The following MTDH variants were observed in gnomAD, a reference collection of about 807,000 sequenced individuals.
MTDH encodes metadherin.
A neutral mutation model predicts 72.7 loss-of-function variants in MTDH; 34 were observed. That is an observed-to-expected ratio of 0.47 (90% CI 0.36 to 0.62). The LOEUF (loss-of-function observed/expected upper bound fraction) is 0.62. Ranked by LOEUF, MTDH falls within the 20% of genes least tolerant of loss-of-function variation. MTDH has a pLI of 0.00. For missense variants in MTDH, 677 were observed against 699.4 expected (o/e 0.97, Z 0.36); for synonymous variants, 266 against 268.9 (o/e 0.99, Z 0.10).
intron 8 of MTDH, among the ~76,000 whole-genome samples, chr8:97,708,185 G>A (rs1038238628): frequency 5.0e-4 from 74 of 146,988 alleles, no homozygotes; most frequent in African/African-American, 1.6e-3. Context: ...GGCTGGTTTC[G>A]AACTCCTGAC....
In MTDH at chr8:97,644,484, G is replaced by T; in HGVS notation, c.-23G>T. 1 of 1,548,256 alleles carries T rather than the reference G, an allele frequency of 6.5e-7. No individual in the cohort carries two copies. The highest frequency in any genetic ancestry group is 8.7e-7 in the Non-Finnish European group (1 of 1,155,886). On this transcript the variant is annotated 5_prime_UTR_variant, in exon 1 of 12. Transcript: ENST00000336273. The stretch of plus-strand genomic sequence containing the variant: ...TCTCCGCGCCCCGGCGTCATCCTGC[G>T]AGTCCCTCTGACGGGAGGGAAGATG...
chr8:97,703,905 A>T (rs1221646506), intron 7 of MTDH, among the ~76,000 whole-genome samples: 1 of 152,192 alleles, frequency 6.6e-6, no homozygotes, highest in African/African-American at 2.4e-5. Flanking sequence ...AATAGAGCCC[A>T]TTAAGAAACT....
intron 8 of MTDH, among the ~76,000 whole-genome samples, chr8:97,712,504 C>G (rs1814679497): frequency 6.6e-6 from 1 of 152,134 alleles, no homozygotes; most frequent in African/African-American, 2.4e-5. Context: ...ACATTTGTGT[C>G]CTTTCCAGTT....
At chr8:97,691,216 T>C in intron 6 of MTDH, 28 bp downstream of exon 6, 1 of 1,457,132 alleles carries the variant, frequency 6.9e-7, no homozygotes, top group Non-Finnish European at 9.3e-7. Flanking sequence ...AATTTAACTT[T>C]ATTTAAAATT....
chr8:97,662,348 T>C (rs1425926387), intron 2 of MTDH, among the ~76,000 whole-genome samples: 1 of 150,490 alleles, frequency 6.6e-6, no homozygotes, highest in Non-Finnish European at 1.5e-5. Flanking sequence ...CCCTCCCCCT[T>C]TTTAAAAAAA....
intron 1 of MTDH, among the ~76,000 whole-genome samples, chr8:97,652,682 G>C (rs1811819572): frequency 6.6e-6 from 1 of 152,136 alleles, no homozygotes; most frequent in Non-Finnish European, 1.5e-5. Context: ...ATCTGTTATT[G>C]AGTTAAATAA....
intron 2 of MTDH, among the ~76,000 whole-genome samples, chr8:97,682,667 T>G (rs1463966919): frequency 6.6e-6 from 1 of 152,068 alleles, no homozygotes; most frequent in Non-Finnish European, 1.5e-5. Context: ...TAAGATAATC[T>G]TTTTCTACAG....
chr8:97,705,305 A>T (rs558312623), intron 7 of MTDH, among the ~76,000 whole-genome samples: 2 of 151,478 alleles, frequency 1.3e-5, no homozygotes. Flanking sequence ...TCAAAAAAAA[A>T]AGAGAATTGA....
At chr8:97,666,539 G>C (rs1812396174) in intron 2 of MTDH, among the ~76,000 whole-genome samples, 1 of 152,116 alleles carries the variant, frequency 6.6e-6, no homozygotes. Context: ...CCTTTCATTA[G>C]GTCCCTGAAG....
chr8:97,696,856 A>G (rs1813853343), intron 6 of MTDH, among the ~76,000 whole-genome samples: 2 of 151,938 alleles, frequency 1.3e-5, no homozygotes, highest in South Asian at 4.2e-4. Flanking sequence ...GGTGGCTCAC[A>G]TCTCTAATCC....
chr8:97,684,923 A>G (rs1479203552), intron 2 of MTDH, among the ~76,000 whole-genome samples: 1 of 152,294 alleles, frequency 6.6e-6, no homozygotes, highest in South Asian at 2.1e-4. Context: ...AAAATTATAC[A>G]GATGTGGTGG....
intron 2 of MTDH, among the ~76,000 whole-genome samples, chr8:97,668,268 C>A (rs1427451558): frequency 6.6e-6 from 1 of 151,950 alleles, no homozygotes; most frequent in African/African-American, 2.4e-5. Flanking sequence ...GCCTGGGCGA[C>A]AAAGCTAGAC....
intron 2 of MTDH, among the ~76,000 whole-genome samples, chr8:97,669,159 T>A (rs1563531962): frequency 6.6e-6 from 1 of 152,076 alleles, no homozygotes. Flanking sequence ...ACAATCTAAT[T>A]TTTTTTTGAG....
chr8:97,723,067 C>T, intron 11 of MTDH, 32 bp downstream of exon 11: 1 of 1,597,150 alleles, frequency 6.3e-7, no homozygotes, highest in Non-Finnish European at 8.5e-7. Context: ...TTCCTTTGTA[C>T]TGTTTACATT....
chr8:97,674,904 G>C (rs114842735), intron 2 of MTDH, among the ~76,000 whole-genome samples: 2 of 151,672 alleles, frequency 1.3e-5, no homozygotes, highest in Non-Finnish European at 2.9e-5. Flanking sequence ...TTGCCCTCCC[G>C]GGCTCAAGTG....
chr8:97,727,656 T>C lies in MTDH; in HGVS notation c.*2986T>C, dbSNP rs1029966539. ...AGAACTAGTAGGGAAATAACTAACC[T>C]CTTCAGGCTTTATCAGGCCTGGAGG... is the stretch of plus-strand genomic sequence containing the variant. On this transcript the variant is annotated 3_prime_UTR_variant, in exon 12 of 12. Transcript: ENST00000336273. 2 of 151,984 alleles carry C rather than the reference T, an allele frequency of 1.3e-5. No homozygotes were observed. Among genetic ancestry groups the C allele is most frequent in the Non-Finnish European group, 2.9e-5 (2 of 67,990 alleles). 9.4% of individuals were successfully genotyped at this position (151,984 alleles called of 1,614,324 possible). A position where few individuals can be genotyped will look rare whatever the true frequency, so the allele number is the denominator to read the frequency against.
chr8:97,662,783 CAA>C (rs575550309), intron 2 of MTDH, among the ~76,000 whole-genome samples: 2 of 134,604 alleles, frequency 1.5e-5, no homozygotes. Context: ...GAGACTCTGT[CAA>C]AAAAAAAAAG....
chr8:97,699,076 A>G (rs1024332990), intron 6 of MTDH, among the ~76,000 whole-genome samples: 8 of 152,196 alleles, frequency 5.3e-5, no homozygotes, highest in African/African-American at 1.9e-4. Flanking sequence ...ACTTAAGCCT[A>G]GGAGTTCAAG....
In MTDH at chr8:97,728,881, T is replaced by C. The variant is rs1469069431; in HGVS notation, c.*4211T>C. 6.6e-6 allele frequency: 1 copy of C among 151,376 alleles called. No homozygotes were observed. The highest frequency in any genetic ancestry group is 1.5e-5 in the Non-Finnish European group (1 of 67,906). 9.4% of individuals were successfully genotyped at this position (151,376 alleles called of 1,614,324 possible). A position where few individuals can be genotyped will look rare whatever the true frequency, so the allele number is the denominator to read the frequency against. On this transcript the variant is annotated 3_prime_UTR_variant, in exon 12 of 12. Transcript: ENST00000336273. ...GTCAGGGATCCGGGTTCTTTCTATA[T>C]TGTTCCTCCCCATTCTCAACCTGTA...
Sources: gnomAD v4.1 joint callset for allele counts (sites outside exome capture counted in the v4.1 genomes callset) on GRCh38, gnomAD v4.1.1 for gene constraint, MANE v1.5 for transcripts, NCBI Gene and HGNC (gene_info 2026-07-23, HGNC 2026-07-21) for gene names.